USHBP1: variants seen among roughly 807,000 people sequenced by gnomAD.
The protein encoded by USHBP1 is USH1 protein network component harmonin binding protein 1.
In USHBP1, 67 loss-of-function variants were observed where a neutral mutation model predicts 76.2. The observed-to-expected ratio is 0.88, with a 90% CI of 0.72 to 1.08. The LOEUF (loss-of-function observed/expected upper bound fraction) is 1.08, where lower values mean the gene tolerates loss of function less well. Among genes scored for constraint, USHBP1 ranks in the 50% least tolerant of loss-of-function variants. The pLI, the probability that USHBP1 is intolerant of heterozygous loss-of-function variation, is 0.00. For synonymous variants in USHBP1, 322 were observed against 362.2 expected (o/e 0.89, Z 1.26); for missense variants, 931 against 915.0 (o/e 1.02, Z -0.23).
In USHBP1 at chr19:17,264,507, C is replaced by T. The variant is rs544169997; in HGVS notation, c.-48-160G>A. The T allele has an allele frequency of 5.1e-6, 3 of 591,602 alleles. No homozygotes were observed. The South Asian group carries it at 6.5e-5, about 13-fold the overall frequency. 36.6% of individuals were successfully genotyped at this position (591,602 alleles called of 1,614,324 possible). On this transcript the variant is annotated intron_variant, in intron 1 of 12. Coordinates refer to ENST00000252597, the MANE Select transcript of USHBP1 (RefSeq NM_031941.4). ...TTTGAATGCCTCCCTGGACAGGGAGCTCACTACCTAAGAAGGTTGTCCTGA... is the reference window on the plus strand; with the variant it reads ...TTTGAATGCCTCCCTGGACAGGGAGTTCACTACCTAAGAAGGTTGTCCTGA...
In USHBP1 at chr19:17,262,789, G is replaced by C; in HGVS notation, c.405C>G (p.Ala135=). Residue 135 remains alanine, a synonymous_variant, in exon 4 of 13, where the codon GCC becomes GCG. Coordinates refer to ENST00000252597, the MANE Select transcript of USHBP1 (RefSeq NM_031941.4). ...TLSSLEAAAA[A]WRHQPPSHSG... is the part of the protein sequence containing the mutation. Reference sequence around the variant, plus strand: ...AATGGCTGGGGGGCTGGTGGCGCCAGGCTGCAGCCGCTGCCTCCAGGGAGC... The same window carrying C: ...AATGGCTGGGGGGCTGGTGGCGCCACGCTGCAGCCGCTGCCTCCAGGGAGC... 1 of 1,614,142 alleles carries C rather than the reference G, an allele frequency of 6.2e-7. No individual in the cohort carries two copies. Among genetic ancestry groups the C allele is most frequent in the Non-Finnish European group, 8.5e-7 (1 of 1,180,000 alleles).
intron 2 of USHBP1, 40 bp downstream of exon 2, chr19:17,264,206 C>T: frequency 4.3e-6 from 7 of 1,613,040 alleles, no homozygotes; most frequent in South Asian, 1.1e-5. Flanking sequence ...ACCTTGGGGT[C>T]CCCAGGATCT....
rs747734925 is a variant in USHBP1, at chr19:17,264,194, G to A, written c.55-44C>T. 6.2e-6 allele frequency: 10 copies of A among 1,612,716 alleles called. No homozygotes were observed. The East Asian group carries it at 1.8e-4, about 29-fold the overall frequency. The stretch of plus-strand genomic sequence containing the variant: ...GCCCTGCTCTGAGCCAGGCAGGACA[G>A]GACCTTGGGGTCCCCAGGATCTGGG... On this transcript the variant is annotated intron_variant, in intron 2 of 12. Transcript: ENST00000252597.
chr19:17,252,228 C>T (rs2073562068), intron 10 of USHBP1, among the ~76,000 whole-genome samples: 1 of 152,112 alleles, frequency 6.6e-6, no homozygotes, highest in South Asian at 2.1e-4. Context: ...CAGAGTCTCA[C>T]TCTGCCACCC....
intron 4 of USHBP1, among the ~76,000 whole-genome samples, chr19:17,261,129 A>G (rs2073682161): frequency 6.6e-6 from 1 of 152,010 alleles, no homozygotes; most frequent in South Asian, 2.1e-4. Flanking sequence ...GCAAAGCCCA[A>G]GCGTCTCCTT....
chr19:17,251,709 T>C lies in USHBP1; in HGVS notation c.1800-5A>G, dbSNP rs1343734864. 3 of 1,612,826 alleles carry C rather than the reference T, an allele frequency of 1.9e-6. No homozygotes were observed. Among genetic ancestry groups the C allele is most frequent in the African/African-American group, 1.3e-5 (1 of 75,040 alleles). On this transcript the variant is annotated splice_polypyrimidine_tract_variant and splice_region_variant and intron_variant, in intron 11 of 12. Coordinates refer to ENST00000252597, the MANE Select transcript of USHBP1 (RefSeq NM_031941.4). ...TGCTCCTGCAGGTCCAGTGTCCTGT[T>C]GCGAAGGAGAAGAGAGGGGGCTCAC...
At chr19:17,252,801 C>A (rs933620453) in intron 10 of USHBP1, among the ~76,000 whole-genome samples, 2 of 150,446 alleles carry the variant, frequency 1.3e-5, no homozygotes, top group Non-Finnish European at 3.0e-5. Flanking sequence ...GCAGGAGAAT[C>A]ACTTGAAGCT....
At chr19:17,258,760 A>T in intron 7 of USHBP1, 1 of 306,402 alleles carries the variant, frequency 3.3e-6, no homozygotes, top group Non-Finnish European at 6.3e-6. Flanking sequence ...ACTTAGCTAC[A>T]TCTTGCTCTA....
chr19:17,259,726 A>T lies in USHBP1; in HGVS notation c.775T>A (p.Phe259Ile). ...CGAAGCAGGGGGTGAGCCAGGGAGA[A>T]GGAGTCCTGCCAAGAAGAAGTGATA... ...DREPWETQDS[F>I]SLAHPLLRRL... The change falls in exon 6 of 13, where the codon TTC (phenylalanine) becomes ATC (isoleucine). Residue 259 changes from phenylalanine (F) to isoleucine (I), a missense_variant. Coordinates refer to ENST00000252597, the MANE Select transcript of USHBP1 (RefSeq NM_031941.4). 1 of 1,610,126 alleles carries T rather than the reference A, an allele frequency of 6.2e-7. No individual in the cohort carries two copies. The highest frequency in any genetic ancestry group is 8.5e-7 in the Non-Finnish European group (1 of 1,178,374).
chr19:17,263,074 G>A (rs2073711218), intron 3 of USHBP1, 84 bp from the exon 4 acceptor site: 2 of 1,413,066 alleles, frequency 1.4e-6, no homozygotes, highest in South Asian at 1.6e-5. Context: ...GTCTCACTCT[G>A]TTGCCCAGCC....
At chr19:17,264,637 G>A (rs1039101455) in intron 1 of USHBP1, 34 bp downstream of exon 1, 6 of 358,248 alleles carry the variant, frequency 1.7e-5, no homozygotes, top group South Asian at 6.5e-5. Context: ...TCTCCTCCCC[G>A]GCCCTCCTAA....
chr19:17,258,089 C>T, intron 8 of USHBP1, 123 bp downstream of exon 8: 2 of 1,371,036 alleles, frequency 1.5e-6, no homozygotes, highest in Non-Finnish European at 2.0e-6. Context: ...CAGTGAGCTC[C>T]ATACCGACCT....
chr19:17,264,322 T>C lies in USHBP1; in HGVS notation c.-23A>G, dbSNP rs757006912. Reference sequence around the variant, plus strand: ...CATTGCTGTCCAGAAGCCAGTGCCCTCTGAATGCTTCTCCTTCGTCAACCC... The same window carrying C: ...CATTGCTGTCCAGAAGCCAGTGCCCCCTGAATGCTTCTCCTTCGTCAACCC... On this transcript the variant is annotated 5_prime_UTR_variant, in exon 2 of 13. Transcript: ENST00000252597. 3 of 1,599,448 alleles carry C rather than the reference T, an allele frequency of 1.9e-6. No homozygotes were observed. The highest frequency in any genetic ancestry group is 1.7e-6 in the Non-Finnish European group (2 of 1,173,922).
intron 7 of USHBP1, 151 bp downstream of exon 7, chr19:17,259,138 C>A: frequency 1.7e-6 from 2 of 1,162,614 alleles, no homozygotes; most frequent in Non-Finnish European, 2.3e-6. Context: ...GCACTCCAGC[C>A]TGGGCAACAC....
chr19:17,264,357 C>T lies in USHBP1; in HGVS notation c.-48-10G>A. On this transcript the variant is annotated splice_polypyrimidine_tract_variant and intron_variant, in intron 1 of 12. Coordinates refer to ENST00000252597, the MANE Select transcript of USHBP1 (RefSeq NM_031941.4). ...TCTCCTTCGTCAACCCCTAAAACCA[C>T]AGCCTGCCATGAGCTCTTGCCTTTG... The T allele has an allele frequency of 2.6e-6, 4 of 1,538,798 alleles. No individual in the cohort carries two copies. Among genetic ancestry groups the T allele is most frequent in the African/African-American group, 1.4e-5 (1 of 72,928 alleles).
Position 17,250,142 on chromosome 19 carries a change from G to GCAACAT in USHBP1, c.*77_*82dup. ...AATGTGCCCCAACATGCCAAATCATGCAACATGACATGATGTCACTCCAGG... is the reference window on the plus strand; with the variant it reads ...AATGTGCCCCAACATGCCAAATCATGCAACATCAACATGACATGATGTCACTCCAGG... On this transcript the variant is annotated 3_prime_UTR_variant, in exon 13 of 13. Coordinates refer to ENST00000252597, the MANE Select transcript of USHBP1 (RefSeq NM_031941.4). 2 of 1,466,828 alleles carry GCAACAT rather than the reference G, an allele frequency of 1.4e-6. No individual in the cohort carries two copies. The highest frequency in any genetic ancestry group is 1.8e-6 in the Non-Finnish European group (2 of 1,093,820). 90.9% of individuals were successfully genotyped at this position (1,466,828 alleles called of 1,614,324 possible).
chr19:17,264,252 A>G lies in USHBP1; in HGVS notation c.48T>C (p.Ala16=). ...GGGAGAGGGTGACACTTACGGGTGG[A>G]GCATGCCTCCCTCGCCGGCTTCGGG... The part of the protein sequence containing the change: ...TRPRSRRGRH[A]PPGELDPVAE... The change falls in exon 2 of 13, where the codon GCT becomes GCC. Residue 16 remains alanine (A), a synonymous_variant. Transcript: ENST00000252597. The G allele has an allele frequency of 6.2e-7, 1 of 1,613,888 alleles. No homozygotes were observed. Among genetic ancestry groups the G allele is most frequent in the East Asian group, 2.2e-5 (1 of 44,884 alleles).
chr19:17,252,107 G>T lies in USHBP1; in HGVS notation c.1693-90C>A. 3.3e-6 allele frequency: 4 copies of T among 1,219,540 alleles called. No homozygotes were observed. In the South Asian group the frequency reaches 5.2e-5, roughly 16 times the overall value. The allele number at this position is 1,219,540 out of a possible 1,614,324, so 75.5% of individuals were successfully genotyped here. On this transcript the variant is annotated intron_variant, in intron 10 of 12. Coordinates refer to ENST00000252597, the MANE Select transcript of USHBP1 (RefSeq NM_031941.4). ...GGACATTGGAGCTGCCCAGACAGTG[G>T]CAGCTGCTGTGCTCTCAGAGACCCA...
chr19:17,258,431 G>A, intron 7 of USHBP1, 46 bp from the exon 8 acceptor site: 1 of 1,583,354 alleles, frequency 6.3e-7, no homozygotes, highest in South Asian at 1.1e-5. Flanking sequence ...CAGCTCGGCT[G>A]GGTGCAATGG....
Sources: allele counts gnomAD v4.1 joint callset (sites outside exome capture counted in the v4.1 genomes callset), GRCh38; gene constraint gnomAD v4.1.1; transcripts MANE v1.5; gene names NCBI Gene and HGNC (gene_info 2026-07-23, HGNC 2026-07-21).